Variants in FHIT observed in about 807,000 individuals in gnomAD.
The protein encoded by FHIT is bis(5'-adenosyl)-triphosphatase.
A neutral mutation model predicts 17.9 loss-of-function variants in FHIT; 19 were observed. The observed-to-expected ratio is 1.06, with a 90% CI of 0.74 to 1.56. FHIT has a LOEUF of 1.56. FHIT is among the 40% of genes most tolerant of loss of function. The pLI, the probability that FHIT is intolerant of heterozygous loss-of-function variation, is 0.00. For missense variants in FHIT, 248 were observed against 189.2 expected, an observed-to-expected ratio of 1.31 and a Z score of -1.82; for synonymous variants, 81 against 69.7, an observed-to-expected ratio of 1.16 and a Z score of -0.81.
chr3:60,941,500 G>A (rs1708405335), intron 3 of FHIT, among the ~76,000 whole-genome samples: 1 of 152,122 alleles, frequency 6.6e-6, no homozygotes, highest in South Asian at 2.1e-4. Flanking sequence ...TGGATACGGA[G>A]GTCCCCTCTG....
At chr3:60,831,795 T>C (rs1553742599) in intron 3 of FHIT, among the ~76,000 whole-genome samples, 1 of 152,006 alleles carries the variant, frequency 6.6e-6, no homozygotes, top group East Asian at 1.9e-4. Context: ...TCAAACACGA[T>C]TTTTTTGGAC....
intron 5 of FHIT, among the ~76,000 whole-genome samples, chr3:60,436,021 G>A (rs1442147897): frequency 6.6e-6 from 1 of 151,982 alleles, no homozygotes; most frequent in Non-Finnish European, 1.5e-5. Flanking sequence ...AGTATTCCAT[G>A]TGTATATGTA....
intron 3 of FHIT, among the ~76,000 whole-genome samples, chr3:60,891,656 T>C (rs1705522185): frequency 6.6e-6 from 1 of 152,094 alleles, no homozygotes; most frequent in Non-Finnish European, 1.5e-5. Context: ...CTGTTTTGAG[T>C]TGTATTTGCT....
At chr3:60,944,217 C>T (rs565032601) in intron 3 of FHIT, among the ~76,000 whole-genome samples, 2 of 152,338 alleles carry the variant, frequency 1.3e-5, no homozygotes, top group South Asian at 4.1e-4. Flanking sequence ...TAGCTCCAAA[C>T]ATTCTATGAG....
intron 8 of FHIT, among the ~76,000 whole-genome samples, chr3:59,817,325 G>C (rs549450017): frequency 6.6e-6 from 1 of 152,190 alleles, no homozygotes; most frequent in South Asian, 2.1e-4. Context: ...CATGTTACAT[G>C]TTATTACCAG....
intron 1 of FHIT, among the ~76,000 whole-genome samples, chr3:61,214,527 C>G (rs1181539914): frequency 6.6e-6 from 1 of 152,078 alleles, no homozygotes; most frequent in Non-Finnish European, 1.5e-5. Flanking sequence ...AGCTTACCAA[C>G]CAAAAAGAGT....
At chr3:61,027,944 A>G (rs2032821266) in intron 3 of FHIT, among the ~76,000 whole-genome samples, 1 of 152,308 alleles carries the variant, frequency 6.6e-6, no homozygotes, top group South Asian at 2.1e-4. Context: ...ACACACATAC[A>G]CATATTTTTC....
chr3:60,445,599 CTA>C (rs1335684793), intron 5 of FHIT, among the ~76,000 whole-genome samples: 1 of 152,026 alleles, frequency 6.6e-6, no homozygotes, highest in Non-Finnish European at 1.5e-5. Context: ...TGTGAACAGT[CTA>C]TGTCAAAAAT....
At chr3:60,884,358 C>T (rs1705117167) in intron 3 of FHIT, among the ~76,000 whole-genome samples, 1 of 152,092 alleles carries the variant, frequency 6.6e-6, no homozygotes, top group South Asian at 2.1e-4. Flanking sequence ...AATCCTGCTG[C>T]TGGGTATATA....
At chr3:60,748,737 G>A (rs1217655295) in intron 4 of FHIT, among the ~76,000 whole-genome samples, 1 of 152,078 alleles carries the variant, frequency 6.6e-6, no homozygotes, top group Non-Finnish European at 1.5e-5. Context: ...GCTTGAACCC[G>A]AGAGGCAGAG....
intron 5 of FHIT, among the ~76,000 whole-genome samples, chr3:60,519,410 G>C (rs1175943339): frequency 1.3e-5 from 2 of 152,086 alleles, no homozygotes; most frequent in Non-Finnish European, 2.9e-5. Context: ...ACAATTAAGG[G>C]GCAAGTGATC....
intron 3 of FHIT, among the ~76,000 whole-genome samples, chr3:60,938,961 AT>A (rs1708302960): frequency 6.6e-6 from 1 of 152,124 alleles, no homozygotes; most frequent in South Asian, 2.1e-4. Context: ...AAGTTATTCT[AT>A]TTCTTCCGCC....
chr3:61,190,637 T>TGGCA (rs2038683886), intron 2 of FHIT, among the ~76,000 whole-genome samples: 1 of 152,180 alleles, frequency 6.6e-6, no homozygotes, highest in Non-Finnish European at 1.5e-5. Flanking sequence ...CATACGTATG[T>TGGCA]TTATTGTGGC....
chr3:60,261,488 G>GT (rs2107610594), intron 5 of FHIT, among the ~76,000 whole-genome samples: 1 of 152,070 alleles, frequency 6.6e-6, no homozygotes, highest in South Asian at 2.1e-4. Context: ...GGAGTTTATG[G>GT]TAAGGGAGTC....
chr3:60,237,843 A>G (rs1248250042), intron 5 of FHIT, among the ~76,000 whole-genome samples: 1 of 152,164 alleles, frequency 6.6e-6, no homozygotes, highest in Non-Finnish European at 1.5e-5. Context: ...GGTAGAAATT[A>G]AGAATTTGTG....
intron 8 of FHIT, among the ~76,000 whole-genome samples, chr3:59,899,087 T>TC (rs1157903453): frequency 2.0e-5 from 3 of 152,140 alleles, no homozygotes; most frequent in African/African-American, 7.2e-5. Flanking sequence ...TCCATGTTCC[T>TC]CCCAGCCTGG....
intron 3 of FHIT, among the ~76,000 whole-genome samples, chr3:60,918,788 A>C (rs1402271494): frequency 1.3e-5 from 2 of 152,254 alleles, no homozygotes; most frequent in African/African-American, 4.8e-5. Context: ...ATTTGATTTT[A>C]ATCTTTCTAA....
chr3:61,056,570 T>C (rs2034230066), intron 2 of FHIT, among the ~76,000 whole-genome samples: 1 of 152,146 alleles, frequency 6.6e-6, no homozygotes. Flanking sequence ...CCTTCCCATG[T>C]CAATGACACT....
intron 8 of FHIT, among the ~76,000 whole-genome samples, chr3:59,821,106 G>A (rs1364103826): frequency 6.6e-6 from 1 of 152,162 alleles, no homozygotes; most frequent in Non-Finnish European, 1.5e-5. Context: ...GGTCAAGCTT[G>A]AGCGCCACCA....
Sources: allele counts gnomAD v4.1 joint callset (sites outside exome capture counted in the v4.1 genomes callset), GRCh38; gene constraint gnomAD v4.1.1; transcripts MANE v1.5; gene names NCBI Gene and HGNC (gene_info 2026-07-23, HGNC 2026-07-21).